The following DPP6 variants were observed in gnomAD, a reference collection of about 807,000 sequenced individuals.
DPP6 encodes the protein dipeptidyl peptidase like 6.
Under a neutral mutation model 122.6 loss-of-function variants are expected in DPP6, and 69 were observed. The ratio of observed to expected loss-of-function variants is 0.56; its 90% CI spans 0.46 to 0.69. DPP6 has a LOEUF of 0.69. Among genes scored for constraint, DPP6 ranks in the 30% least tolerant of loss-of-function variants. DPP6 has a pLI of 0.00. For synonymous variants in DPP6, 418 were observed against 433.1 expected (o/e 0.97, Z 0.43); for missense variants, 928 against 1,116.9 (o/e 0.83, Z 2.41).
Position 154,821,707 on chromosome 7 carries a change from T to C in DPP6, c.1666+14595T>C, listed in dbSNP as rs369480835. On this transcript the variant is annotated intron_variant, in intron 16 of 25. Coordinates refer to ENST00000377770, the MANE Select transcript of DPP6 (RefSeq NM_130797.4). This position sits in a 1 kb window ranked among gnomAD's most constrained non-coding sequence, Gnocchi z 4.2. ...ACACATATATATATACACACACACA[T>C]ATATATATACAGAAAAAACATGGTG... Among the ~76,000 whole-genome samples the C allele has an allele frequency of 2.3e-4, 34 of 147,780 alleles. No homozygotes were observed. In the East Asian group the frequency reaches 3.5e-3, roughly 15 times the overall value.
intron 1 of DPP6, among the ~76,000 whole-genome samples, chr7:154,201,367 G>C (rs538009846): frequency 6.6e-6 from 1 of 152,282 alleles, no homozygotes; most frequent in East Asian, 1.9e-4. Context: ...GACCTCAGGT[G>C]ATCCACCCAC....
the DPP6 span, among the ~76,000 whole-genome samples, chr7:153,791,188 C>A: frequency 1.3e-4 from 20 of 152,048 alleles, no homozygotes; most frequent in Non-Finnish European, 2.6e-4. Flanking sequence ...ACGTAGTATA[C>A]TAATTAGAAG....
chr7:154,033,336 C>T (rs974339004), intron 1 of DPP6, among the ~76,000 whole-genome samples: 5 of 152,232 alleles, frequency 3.3e-5, no homozygotes, highest in African/African-American at 1.2e-4. Context: ...CTTTCTTTCT[C>T]TCTCTTTTCC....
Position 154,771,759 on chromosome 7 carries a change from C to T in DPP6, c.1039-1086C>T, listed in dbSNP as rs376914467. Reference sequence around the variant, plus strand: ...TGTTAACATGGCATGGATTTGCCTTCGACAGAATTATTTCACTCCTTTTTC... The same window carrying T: ...TGTTAACATGGCATGGATTTGCCTTTGACAGAATTATTTCACTCCTTTTTC... On this transcript the variant is annotated intron_variant, in intron 9 of 25. Transcript: ENST00000377770. Among the ~76,000 whole-genome samples, 7 of 152,182 alleles carry T rather than the reference C, an allele frequency of 4.6e-5. No homozygotes were observed. The East Asian group carries it at 5.8e-4, about 13-fold the overall frequency.
chr7:154,758,665 C>A (rs905813408), intron 8 of DPP6, among the ~76,000 whole-genome samples: 22 of 152,162 alleles, frequency 1.4e-4, no homozygotes, highest in African/African-American at 5.1e-4. Context: ...AGCCACTGCA[C>A]CTGGCCAAAA....
At position 154,877,962 on chromosome 7, in the gene DPP6, C is replaced by T. The variant is rs940835259; in HGVS notation, c.2078+1862C>T. Among the ~76,000 whole-genome samples the T allele has an allele frequency of 2.0e-5, 3 of 152,186 alleles. No homozygotes were observed. Among genetic ancestry groups the T allele is most frequent in the Non-Finnish European group, 4.4e-5 (3 of 68,028 alleles). On this transcript the variant is annotated intron_variant, in intron 20 of 25. Coordinates refer to ENST00000377770, the MANE Select transcript of DPP6 (RefSeq NM_130797.4). The surrounding 1 kb of genome is among the most constrained non-coding windows in gnomAD (Gnocchi z 5.2). ...CAGAGGACTCCCAGGACACGGAAGC[C>T]GGCCCAGGCTGCGCTCTGGAGTGGA...
intron 18 of DPP6, among the ~76,000 whole-genome samples, chr7:154,871,300 T>G (rs912078124): frequency 6.6e-6 from 1 of 152,114 alleles, no homozygotes; most frequent in Non-Finnish European, 1.5e-5. Context: ...CAGCAGGGGG[T>G]TTCCTTAAAA....
chr7:154,586,888 A>T (rs927398108), intron 5 of DPP6, among the ~76,000 whole-genome samples: 5 of 152,224 alleles, frequency 3.3e-5, no homozygotes, highest in African/African-American at 1.2e-4. Flanking sequence ...CTCATCAAGG[A>T]GCTGTGAGCC....
chr7:154,634,667 T>TC (rs1242322236), intron 5 of DPP6, among the ~76,000 whole-genome samples: 2 of 151,118 alleles, frequency 1.3e-5, no homozygotes, highest in Non-Finnish European at 3.0e-5. Context: ...CTCTTCCTCC[T>TC]CTTCCCCTTC....
At chr7:153,816,810 A>G in the DPP6 span, among the ~76,000 whole-genome samples, 7 of 152,068 alleles carry the variant, frequency 4.6e-5, no homozygotes, top group East Asian at 1.4e-3. Context: ...ACACAGAGAA[A>G]TGAGATTTGA....
rs372307669 is a variant in DPP6, at chr7:154,887,148, C to A, written c.2246-528C>A. ...GTCCTCTTCATTGTCTCCTGGGCGC[C>A]CTCAGGCTTACCCTGCAGGCCAGGG... On this transcript the variant is annotated intron_variant, in intron 22 of 25. Coordinates refer to ENST00000377770, the MANE Select transcript of DPP6 (RefSeq NM_130797.4). Among the ~76,000 whole-genome samples the A allele has an allele frequency of 9.2e-5, 14 of 152,256 alleles. No homozygotes were observed. The East Asian group carries it at 1.5e-3, about 17-fold the overall frequency.
intron 7 of DPP6, among the ~76,000 whole-genome samples, chr7:154,689,118 C>T (rs773378354): frequency 2.6e-5 from 4 of 152,236 alleles, no homozygotes; most frequent in Non-Finnish European, 5.9e-5. Flanking sequence ...GAACCACCCA[C>T]ACTATGTTGA....
intron 3 of DPP6, among the ~76,000 whole-genome samples, chr7:154,509,176 T>C (rs1276484456): frequency 6.6e-6 from 1 of 152,092 alleles, no homozygotes; most frequent in East Asian, 1.9e-4. Context: ...AAGGATACCA[T>C]GAAGAAAGGG....
intron 6 of DPP6, among the ~76,000 whole-genome samples, chr7:154,654,418 T>TTTCCTTCCTTCCTTCCTTCCTTCC (rs1837097429): frequency 7.3e-6 from 1 of 137,392 alleles, no homozygotes. Context: ...TCTTTCTTTC[T>TTTCCTTCCTTCCTTCCTTCCTTCC]TTCTTTCTTT....
Position 154,393,554 on chromosome 7 carries a change from A to ATTTTT in DPP6, c.244-52649_244-52645dup, listed in dbSNP as rs552425581. 4.0e-3 allele frequency among the ~76,000 whole-genome samples: 563 copies of ATTTTT among 141,498 alleles called. 6 individuals carry two copies. The highest frequency in any genetic ancestry group is 0.013 in the African/African-American group (490 of 39,060). The allele number at this position is 141,498 out of a possible 152,430, so 92.8% of individuals were successfully genotyped here. On this transcript the variant is annotated intron_variant, in intron 1 of 25. Transcript: ENST00000377770. ...TGGCCCACACAATGGAGATTGTTCA[A>ATTTTT]TTTTTTTTTTTTTTTGTCCTCTCAG...
At chr7:154,576,239 C>T (rs1329598154) in intron 5 of DPP6, among the ~76,000 whole-genome samples, 2 of 152,032 alleles carry the variant, frequency 1.3e-5, no homozygotes, top group Admixed American at 1.3e-4. Flanking sequence ...TAAATCAGGG[C>T]GCATCTCCGT....
chr7:153,883,536 T>A (rs915812136), upstream of DPP6, among the ~76,000 whole-genome samples: 2 of 152,144 alleles, frequency 1.3e-5, no homozygotes, highest in African/African-American at 4.8e-5. Flanking sequence ...TCCACCACCA[T>A]GCCCAGCTAA....
At chr7:154,001,225 G>A (rs1368760972) in intron 1 of DPP6, among the ~76,000 whole-genome samples, 13 of 150,230 alleles carry the variant, frequency 8.7e-5, no homozygotes, top group African/African-American at 2.7e-4. Context: ...TGGAAACACA[G>A]GAGAACACTG....
At chr7:154,148,402 G>A (rs1796228276) in intron 1 of DPP6, among the ~76,000 whole-genome samples, 1 of 151,334 alleles carries the variant, frequency 6.6e-6, no homozygotes, top group South Asian at 2.1e-4. Context: ...CCTGCCCTGA[G>A]GGAACCGGGA....
Sources: gnomAD v4.1 joint callset for allele counts (sites outside exome capture counted in the v4.1 genomes callset) on GRCh38, gnomAD v4.1.1 for gene constraint, Gnocchi (gnomAD v3.1) non-coding constraint, MANE v1.5 for transcripts, NCBI Gene and HGNC (gene_info 2026-07-23, HGNC 2026-07-21) for gene names.